The following ATL2 variants were observed in gnomAD, a reference collection of about 807,000 sequenced individuals.
ATL2 encodes the protein atlastin GTPase 2.
ATL2 carries 31 observed loss-of-function variants against 73.9 expected under a neutral mutation model. The observed-to-expected ratio is 0.42, with a 90% CI of 0.32 to 0.57. The LOEUF (loss-of-function observed/expected upper bound fraction) is 0.57, where lower values mean the gene tolerates loss of function less well. Among genes scored for constraint, ATL2 ranks in the 20% least tolerant of loss-of-function variants. ATL2 has a pLI of 0.14. For synonymous variants in ATL2, 291 were observed against 237.5 expected, an observed-to-expected ratio of 1.23 and a Z score of -2.07; for missense variants, 738 against 702.6, an observed-to-expected ratio of 1.05 and a Z score of -0.57.
chr2:38,365,657 G>T (rs1671279679), intron 1 of ATL2, among the ~76,000 whole-genome samples: 1 of 146,368 alleles, frequency 6.8e-6, no homozygotes, highest in African/African-American at 2.8e-5. Context: ...CAGGCGTGAG[G>T]GCGGGTACCT....
At chr2:38,301,141 C>T (rs1806838) in intron 9 of ATL2, among the ~76,000 whole-genome samples, 73,304 of 151,818 alleles carry the variant, frequency 0.48, 19,881 homozygotes, top group African/African-American at 0.75. Flanking sequence ...CAGCTAATTT[C>T]GTATTTTTAG....
At chr2:38,320,763 G>C (rs72902147) in intron 2 of ATL2, among the ~76,000 whole-genome samples, 14,423 of 152,124 alleles carry the variant, frequency 0.095, 2,287 homozygotes, top group African/African-American at 0.33. Context: ...GCGTGAATTA[G>C]GAGTGGAGAG....
chr2:38,331,222 C>G (rs1553335754), intron 2 of ATL2, among the ~76,000 whole-genome samples: 1 of 151,918 alleles, frequency 6.6e-6, no homozygotes, highest in Non-Finnish European at 1.5e-5. Context: ...ATCACGAGGT[C>G]AAGAGATGGA....
chr2:38,345,022 T>C (rs530855102), intron 1 of ATL2, among the ~76,000 whole-genome samples: 138 of 152,228 alleles, frequency 9.1e-4, no homozygotes, highest in Non-Finnish European at 1.4e-3. Context: ...TCTAGGTTTC[T>C]GTTCTTCTTT....
rs1221635411 is a variant in ATL2 at position 38,325,699 on chromosome 2, T to TACACACACAC, written c.364-6690_364-6681dup. Among the ~76,000 whole-genome samples, 39 of 11,274 alleles carry TACACACACAC rather than the reference T, an allele frequency of 3.5e-3. 2 individuals are homozygous for TACACACACAC. Among genetic ancestry groups the TACACACACAC allele is most frequent in the East Asian group, 0.011 (3 of 280 alleles). 7.4% of individuals were successfully genotyped at this position (11,274 alleles called of 152,430 possible). On this transcript the variant is annotated intron_variant, in intron 2 of 12. Coordinates refer to ENST00000378954, the MANE Select transcript of ATL2 (RefSeq NM_001135673.4). Reference sequence around the variant, plus strand: ...ACACACACACACACACACACACCAGTACACACACACACACACACACACACA... The same window carrying TACACACACAC: ...ACACACACACACACACACACACCAGTACACACACACACACACACACACACACACACACACA...
rs1671556672 is a variant in ATL2, at chr2:38,369,721, T to C, written c.118+7422A>G. 3.9e-5 allele frequency among the ~76,000 whole-genome samples: 6 copies of C among 151,950 alleles called. No individual in the cohort carries two copies. The South Asian group carries it at 1.0e-3, about 26-fold the overall frequency. On this transcript the variant is annotated intron_variant, in intron 1 of 12. Transcript: ENST00000378954. ...TTTGAGACCCTATCTCAAAAATAAG[T>C]ACATAAATAAAAAATAAAAATTAAA...
chr2:38,331,369 G>A (rs1271423), intron 2 of ATL2, among the ~76,000 whole-genome samples: 1 of 149,082 alleles, frequency 6.7e-6, no homozygotes, highest in Non-Finnish European at 1.5e-5. Context: ...CCGGGAGGCA[G>A]AAGTTGCAGT....
chr2:38,342,261 C>A (rs974057784), intron 2 of ATL2, among the ~76,000 whole-genome samples: 2 of 151,964 alleles, frequency 1.3e-5, no homozygotes, highest in Non-Finnish European at 2.9e-5. Flanking sequence ...AGACCCAGTT[C>A]TTGTGCCAGG....
intron 2 of ATL2, among the ~76,000 whole-genome samples, chr2:38,333,366 T>C (rs181460950): frequency 4.3e-4 from 65 of 152,112 alleles, no homozygotes; most frequent in Admixed American, 2.9e-3. Flanking sequence ...GGGAAGGAGG[T>C]AGGGAGTTAA....
intron 2 of ATL2, among the ~76,000 whole-genome samples, chr2:38,331,271 A>C (rs562272619): frequency 2.6e-5 from 4 of 152,074 alleles, no homozygotes; most frequent in African/African-American, 7.2e-5. Flanking sequence ...CTCGATCTCT[A>C]CTAAAAATAC....
At chr2:38,301,499 G>A (rs549713494) in intron 9 of ATL2, among the ~76,000 whole-genome samples, 2 of 152,202 alleles carry the variant, frequency 1.3e-5, no homozygotes, top group Non-Finnish European at 2.9e-5. Flanking sequence ...AAACAGTCTT[G>A]AATCACCTAC....
At chr2:38,321,286 T>C (rs914148626) in intron 2 of ATL2, among the ~76,000 whole-genome samples, 4 of 152,216 alleles carry the variant, frequency 2.6e-5, no homozygotes, top group Admixed American at 2.6e-4. Flanking sequence ...CCATCCCCAG[T>C]AGGCCACCAA....
At chr2:38,345,032 TA>T (rs928883391) in intron 1 of ATL2, among the ~76,000 whole-genome samples, 11 of 151,950 alleles carry the variant, frequency 7.2e-5, no homozygotes, top group African/African-American at 2.7e-4. Flanking sequence ...TGTTCTTCTT[TA>T]AAAAAAACAC....
chr2:38,352,046 G>A (rs748078976), intron 1 of ATL2, among the ~76,000 whole-genome samples: 23 of 149,806 alleles, frequency 1.5e-4, no homozygotes, highest in Non-Finnish European at 2.4e-4. Flanking sequence ...CAGGGGTGGA[G>A]GCTGCAGTGA....
intron 4 of ATL2, among the ~76,000 whole-genome samples, chr2:38,317,089 C>T (rs2148433331): frequency 6.6e-6 from 1 of 152,088 alleles, no homozygotes. Context: ...GTACTTCAAA[C>T]TGAGGAAGGA....
intron 2 of ATL2, among the ~76,000 whole-genome samples, chr2:38,324,109 C>G (rs1056124437): frequency 3.9e-5 from 6 of 152,094 alleles, no homozygotes; most frequent in African/African-American, 1.4e-4. Context: ...TACCCAGTCT[C>G]TACTAAAAAT....
intron 2 of ATL2, among the ~76,000 whole-genome samples, chr2:38,327,541 A>AAAAAAAAAAAAAAAAAAAC (rs1668736165): frequency 2.2e-5 from 1 of 45,512 alleles, no homozygotes; most frequent in African/African-American, 3.5e-4. Context: ...AAAAAAGTAC[A>AAAAAAAAAAAAAAAAAAAC]AAAAAAAAAA....
chr2:38,295,098 A>G lies in ATL2; in HGVS notation c.*896T>C, dbSNP rs1666824645. ...CATTCACACACTGACATGAGCCACA[A>G]ACATTCCTTTCACAGGGACAGTACT... On this transcript the variant is annotated 3_prime_UTR_variant, in exon 13 of 13. Coordinates refer to ENST00000378954, the MANE Select transcript of ATL2 (RefSeq NM_001135673.4). 1 of 152,148 alleles carries G rather than the reference A, an allele frequency of 6.6e-6. No homozygotes were observed. Among genetic ancestry groups the G allele is most frequent in the Non-Finnish European group, 1.5e-5 (1 of 68,018 alleles). The allele number at this position is 152,148 out of a possible 1,614,324, so 9.4% of individuals were successfully genotyped here. A position where few individuals can be genotyped will look rare whatever the true frequency, so the allele number is the denominator to read the frequency against.
intron 7 of ATL2, 128 bp downstream of exon 7, chr2:38,313,022 CT>C: frequency 1.6e-6 from 1 of 606,864 alleles, no homozygotes. Context: ...AACAGAGTCA[CT>C]TGGGCTAACC....
Sources: gnomAD v4.1 joint callset for allele counts (sites outside exome capture counted in the v4.1 genomes callset) on GRCh38, gnomAD v4.1.1 for gene constraint, MANE v1.5 for transcripts, NCBI Gene and HGNC (gene_info 2026-07-23, HGNC 2026-07-21) for gene names.